The following GRIN2B variants were observed in gnomAD, a reference collection of about 807,000 sequenced individuals.
The protein encoded by GRIN2B is glutamate receptor ionotropic, NMDA 2B.
Under a neutral mutation model 114.5 loss-of-function variants are expected in GRIN2B, and 5 were observed. The observed-to-expected ratio is 0.04, with a 90% CI of 0.02 to 0.09. The LOEUF (loss-of-function observed/expected upper bound fraction) is 0.09, where lower values mean the gene tolerates loss of function less well. Ranked by LOEUF, GRIN2B falls within the 10% of genes least tolerant of loss-of-function variation. The pLI is 1.00. For missense variants in GRIN2B, 1,108 were observed against 1,943.5 expected, an observed-to-expected ratio of 0.57 and a Z score of 8.08; for synonymous variants, 787 against 745.1, an observed-to-expected ratio of 1.06 and a Z score of -0.92.
At chr12:13,982,117 TG>T (rs1863153472), upstream of GRIN2B, among the ~76,000 whole-genome samples, 1 of 128,130 alleles carries the variant, frequency 7.8e-6, no homozygotes, top group Non-Finnish European at 1.7e-5. Flanking sequence ...GCTGGGGAAG[TG>T]GGGTGGTAAG....
intron 2 of GRIN2B, among the ~76,000 whole-genome samples, chr12:13,965,582 T>TACAC (rs1867777642): frequency 9.1e-6 from 1 of 109,406 alleles, no homozygotes; most frequent in Non-Finnish European, 2.1e-5. Context: ...CACACACACG[T>TACAC]GTGTGTGATT....
chr12:13,700,280 A>C lies in GRIN2B; in HGVS notation c.1011-24421T>G, dbSNP rs562558737. The stretch of plus-strand genomic sequence containing the variant: ...CCATCCCCCTCCTCTTGGCCTATGT[A>C]ATTTCGCTAACTGTGGAATTTTTCT... On this transcript the variant is annotated intron_variant, in intron 4 of 13. Transcript: ENST00000609686. 7.9e-5 allele frequency among the ~76,000 whole-genome samples: 12 copies of C among 152,272 alleles called. No homozygotes were observed. In the East Asian group the frequency reaches 1.9e-3, roughly 24 times the overall value.
chr12:13,713,882 G>A (rs1424461473), intron 4 of GRIN2B, among the ~76,000 whole-genome samples: 1 of 151,734 alleles, frequency 6.6e-6, no homozygotes, highest in Non-Finnish European at 1.5e-5. Context: ...TGTTTAAGAT[G>A]CTCTGTTACC....
Position 13,975,002 on chromosome 12 carries a change from AAG to A in GRIN2B, c.-19+4924_-19+4925del, listed in dbSNP as rs1159043885. On this transcript the variant is annotated intron_variant, in intron 2 of 13. Coordinates refer to ENST00000609686, the MANE Select transcript of GRIN2B (RefSeq NM_000834.5). ...TCAGAATAAGAGAGCACAGAATGAAAAGAGAGCAGGCAAAAGATGTGCATAGG... is the reference window on the plus strand; with the variant it reads ...TCAGAATAAGAGAGCACAGAATGAAAAGAGCAGGCAAAAGATGTGCATAGG... Among the ~76,000 whole-genome samples the A allele has an allele frequency of 5.3e-5, 8 of 152,380 alleles. No individual in the cohort carries two copies. The South Asian group carries it at 1.2e-3, about 24-fold the overall frequency.
At chr12:13,837,362 C>A (rs559407354) in intron 3 of GRIN2B, among the ~76,000 whole-genome samples, 133 of 152,326 alleles carry the variant, frequency 8.7e-4, no homozygotes, top group Non-Finnish European at 7.1e-4. Context: ...CTGAGTCCTG[C>A]ATTTCTGCAC....
At chr12:13,573,834 T>C (rs1948738490) in intron 10 of GRIN2B, among the ~76,000 whole-genome samples, 1 of 152,198 alleles carries the variant, frequency 6.6e-6, no homozygotes, top group Admixed American at 6.5e-5. Flanking sequence ...AAATGCCATC[T>C]TAATTGCTCA....
At chr12:13,764,326 C>A (rs1863736985) in intron 3 of GRIN2B, among the ~76,000 whole-genome samples, 1 of 152,212 alleles carries the variant, frequency 6.6e-6, no homozygotes, top group South Asian at 2.1e-4. Flanking sequence ...TTCCTGGAGC[C>A]CATCTTGTCC....
In GRIN2B at chr12:13,555,490, TAGGACGGGTGTTTTTGAGATAGTTGC is replaced by T. The variant is rs542409153; in HGVS notation, c.*7267_*7292del. On this transcript the variant is annotated 3_prime_UTR_variant, in exon 14 of 14. Coordinates refer to ENST00000609686, the MANE Select transcript of GRIN2B (RefSeq NM_000834.5). Reference sequence around the variant, plus strand: ...AGAGATTTGTCTTTAGAGATAGTTGTAGGACGGGTGTTTTTGAGATAGTTGCAGGTAGATGTGTGGAAGGAATTAAA... The same window carrying T: ...AGAGATTTGTCTTTAGAGATAGTTGTAGGTAGATGTGTGGAAGGAATTAAA... 18 of 152,278 alleles carry T rather than the reference TAGGACGGGTGTTTTTGAGATAGTTGC, an allele frequency of 1.2e-4. No individual in the cohort carries two copies. The highest frequency in any genetic ancestry group is 5.2e-4 in the Admixed American group (8 of 15,288). 9.4% of individuals were successfully genotyped at this position (152,278 alleles called of 1,614,324 possible). A position where few individuals can be genotyped will look rare whatever the true frequency, so the allele number is the denominator to read the frequency against.
intron 5 of GRIN2B, among the ~76,000 whole-genome samples, chr12:13,619,404 A>G (rs932655262): frequency 1.3e-5 from 2 of 152,208 alleles, no homozygotes; most frequent in African/African-American, 2.4e-5. Context: ...GAATGATCCT[A>G]CCTTGCTCTG....
chr12:13,573,279 G>C lies in GRIN2B; in HGVS notation c.2011-1315C>G, dbSNP rs1285816797. Among the ~76,000 whole-genome samples, 2 of 148,850 alleles carry C rather than the reference G, an allele frequency of 1.3e-5. 1 individual carries two copies. The highest frequency in any genetic ancestry group is 3.0e-5 in the Non-Finnish European group (2 of 66,896). On this transcript the variant is annotated intron_variant, in intron 10 of 13. Transcript: ENST00000609686. ...ATCCTGGCTAACATGGTGAAACCCC[G>C]TCTCTACTAAAAATACAAAAAACTA...
intron 2 of GRIN2B, among the ~76,000 whole-genome samples, chr12:13,876,210 G>A (rs1565571814): frequency 6.6e-6 from 1 of 152,160 alleles, no homozygotes; most frequent in African/African-American, 2.4e-5. Context: ...ATCTTGGGCG[G>A]GGGAAGGAAG....
chr12:13,879,844 A>G (rs927331338), intron 2 of GRIN2B, among the ~76,000 whole-genome samples: 17 of 152,234 alleles, frequency 1.1e-4, no homozygotes, highest in Non-Finnish European at 2.4e-4. Flanking sequence ...GAATTCTCCA[A>G]AATCAGATAA....
intron 4 of GRIN2B, among the ~76,000 whole-genome samples, chr12:13,743,798 T>C (rs758401389): frequency 1.2e-4 from 18 of 152,234 alleles, no homozygotes; most frequent in Non-Finnish European, 2.4e-4. Context: ...CTCACTTTAA[T>C]CATCATCATT....
At chr12:13,929,122 G>C (rs1224118573) in intron 2 of GRIN2B, among the ~76,000 whole-genome samples, 1 of 152,156 alleles carries the variant, frequency 6.6e-6, no homozygotes, top group Non-Finnish European at 1.5e-5. Context: ...CATAAGTCTT[G>C]CTTTTATAGA....
At chr12:13,742,710 C>T (rs890014635) in intron 4 of GRIN2B, among the ~76,000 whole-genome samples, 2 of 152,208 alleles carry the variant, frequency 1.3e-5, no homozygotes, top group Non-Finnish European at 2.9e-5. Flanking sequence ...GGATTATAGG[C>T]ATGAGCCACT....
chr12:13,903,698 T>C (rs1866494433), intron 2 of GRIN2B, among the ~76,000 whole-genome samples: 1 of 152,106 alleles, frequency 6.6e-6, no homozygotes, highest in Non-Finnish European at 1.5e-5. Context: ...GGTAGCTTTT[T>C]ACTAGAGTGT....
At chr12:13,691,667 T>C (rs76634899) in intron 4 of GRIN2B, among the ~76,000 whole-genome samples, 3 of 152,214 alleles carry the variant, frequency 2.0e-5, no homozygotes, top group Admixed American at 6.5e-5. Flanking sequence ...TGTCTTCAAT[T>C]ACAAAGGGGG....
chr12:13,607,813 T>C (rs76924355), intron 10 of GRIN2B, among the ~76,000 whole-genome samples: 4,957 of 151,994 alleles, frequency 0.033, 110 homozygotes, highest in South Asian at 0.077. Flanking sequence ...TCTCCAAAAT[T>C]ATTTTGGCCA....
intron 4 of GRIN2B, among the ~76,000 whole-genome samples, chr12:13,700,023 G>A (rs1421269595): frequency 2.0e-5 from 3 of 151,932 alleles, no homozygotes; most frequent in South Asian, 2.1e-4. Context: ...AACTTACCAG[G>A]GAATCTTTTT....
Sources: allele counts gnomAD v4.1 joint callset (sites outside exome capture counted in the v4.1 genomes callset), GRCh38; gene constraint gnomAD v4.1.1; transcripts MANE v1.5; gene names NCBI Gene and HGNC (gene_info 2026-07-23, HGNC 2026-07-21).